Variants in EIF3L observed in about 807,000 individuals in gnomAD.
The protein encoded by EIF3L is eukaryotic translation initiation factor 3 subunit L.
Under a neutral mutation model 74.6 loss-of-function variants are expected in EIF3L, and 32 were observed. That is an observed-to-expected ratio of 0.43 (90% CI 0.32 to 0.58). The LOEUF is 0.58. EIF3L is among the 20% of genes least tolerant of loss of function. EIF3L has a pLI of 0.06. For synonymous variants in EIF3L, 256 were observed against 254.4 expected (o/e 1.01, Z -0.06); for missense variants, 474 against 707.8 (o/e 0.67, Z 3.75).
intron 1 of EIF3L, 100 bp from the exon 2 acceptor site, chr22:37,849,915 C>T: frequency 7.5e-7 from 1 of 1,332,128 alleles, no homozygotes; most frequent in South Asian, 1.2e-5. Context: ...TCTTATTCGC[C>T]TCTGTATCCT....
chr22:37,882,024 A>G (rs901091693), intron 11 of EIF3L: 9 of 152,216 alleles, frequency 5.9e-5, no homozygotes, highest in African/African-American at 1.9e-4. Context: ...GAGAAAAAGC[A>G]TGCTGGGCAT....
chr22:37,873,833 G>A (rs1205514056), intron 8 of EIF3L, among the ~76,000 whole-genome samples: 1 of 152,140 alleles, frequency 6.6e-6, no homozygotes, highest in Non-Finnish European at 1.5e-5. Flanking sequence ...AAGTTGCTGG[G>A]ATTAGAGGTC....
chr22:37,872,229 T>C (rs1926514951), intron 8 of EIF3L, among the ~76,000 whole-genome samples: 1 of 152,118 alleles, frequency 6.6e-6, no homozygotes, highest in South Asian at 2.1e-4. Context: ...GCGATTCTCC[T>C]GTCTCAGCCT....
intron 7 of EIF3L, among the ~76,000 whole-genome samples, chr22:37,866,520 C>T (rs147364082): frequency 5.9e-5 from 9 of 152,246 alleles, no homozygotes; most frequent in African/African-American, 1.2e-4. Context: ...GCCACCAGCT[C>T]GCGCCTGTTA....
At chr22:37,850,141 G>C in intron 2 of EIF3L, 78 bp downstream of exon 2, 12 of 1,552,172 alleles carry the variant, frequency 7.7e-6, no homozygotes, top group Non-Finnish European at 1.8e-6. Flanking sequence ...GCTCTGACAG[G>C]CATCAAAAAT....
intron 2 of EIF3L, among the ~76,000 whole-genome samples, 162 bp downstream of exon 2, chr22:37,850,225 C>G (rs968707822): frequency 4.6e-5 from 7 of 152,140 alleles, no homozygotes; most frequent in African/African-American, 1.7e-4. Flanking sequence ...CCTAATAAAC[C>G]AGGCTTTTTA....
In EIF3L at chr22:37,870,236, T is replaced by C. The variant is rs1212290512; in HGVS notation, c.640T>C (p.Phe214Leu). 3.1e-6 allele frequency: 5 copies of C among 1,613,884 alleles called. No individual in the cohort carries two copies. Among genetic ancestry groups the C allele is most frequent in the African/African-American group, 2.7e-5 (2 of 74,926 alleles). Residue 214 changes from phenylalanine (F) to leucine (L), a missense_variant, in exon 8 of 13, where the codon TTT becomes CTT. Phe to Leu is a conservative substitution (Grantham distance 22). This residue lies in a region of EIF3L where 293 missense variants were observed against 469.1 expected (regional missense o/e 0.62). Coordinates refer to ENST00000652021, the MANE Select transcript of EIF3L (RefSeq NM_016091.4). ...CAAGAAGTCAGAGGAGGAGATTGAC[T>C]TTCTTCGTTCCAATCCCAAAATCTG... Reference protein sequence around the residue: ...TAKKSEEEIDFLRSNPKIWNV... With the variant: ...TAKKSEEEIDLLRSNPKIWNV...
At chr22:37,878,289 C>A (rs1469586503) in intron 11 of EIF3L, 118 bp downstream of exon 11, 1 of 1,327,714 alleles carries the variant, frequency 7.5e-7, no homozygotes, top group Non-Finnish European at 1.0e-6. Flanking sequence ...GTGGTGCTGC[C>A]ACAAGGTGCC....
At chr22:37,867,854 C>T (rs1181976664) in intron 7 of EIF3L, among the ~76,000 whole-genome samples, 3 of 149,668 alleles carry the variant, frequency 2.0e-5, no homozygotes, top group Non-Finnish European at 1.5e-5. Context: ...ACTCAGGAGG[C>T]TGAGGCAGGA....
Position 37,865,380 on chromosome 22 carries a change from A to T in EIF3L, c.579+2035A>T, listed in dbSNP as rs1223039804. On this transcript the variant is annotated intron_variant, in intron 7 of 12. Transcript: ENST00000652021. ...GAGGCTGAGGCAGGGGAATCGCTCG[A>T]ACCCGAGAGGCAGAGCTTGCAGTGA... Among the ~76,000 whole-genome samples, 4 of 152,056 alleles carry T rather than the reference A, an allele frequency of 2.6e-5. No individual in the cohort carries two copies. The East Asian group carries it at 7.7e-4, about 29-fold the overall frequency.
chr22:37,884,453 A>G (rs776701201), intron 11 of EIF3L: 1 of 152,090 alleles, frequency 6.6e-6, no homozygotes, highest in Non-Finnish European at 1.5e-5. Context: ...TGGAATTTCT[A>G]GGTCAGTTTG....
chr22:37,850,199 G>A (rs946178079), intron 2 of EIF3L, 136 bp downstream of exon 2: 15 of 900,572 alleles, frequency 1.7e-5, no homozygotes, highest in Admixed American at 2.1e-5. Flanking sequence ...CTGCCAGTGC[G>A]AGGGGTTTTA....
chr22:37,869,193 A>G (rs1926343617), intron 7 of EIF3L, among the ~76,000 whole-genome samples: 1 of 152,122 alleles, frequency 6.6e-6, no homozygotes, highest in Non-Finnish European at 1.5e-5. Flanking sequence ...CAGTGGCACA[A>G]CCTCACCTCA....
intron 5 of EIF3L, among the ~76,000 whole-genome samples, chr22:37,861,861 G>A (rs969095399): frequency 1.3e-5 from 2 of 152,146 alleles, no homozygotes; most frequent in African/African-American, 2.4e-5. Context: ...GTCTGTAGAT[G>A]AAGATTCAGC....
In EIF3L at chr22:37,863,321, T is replaced by C. The variant is rs1213492497; in HGVS notation, c.555T>C (p.Asp185=). ...AACTACCCAACCAGTGGCTCTGGGA[T>C]ATTATCGATGAGTTCATCTACCAGG... The part of the protein sequence containing the change: ...PLELPNQWLW[D]IIDEFIYQFQ... Residue 185 remains aspartate (D), a synonymous_variant, in exon 7 of 13, where the codon GAT becomes GAC. Coordinates refer to ENST00000652021, the MANE Select transcript of EIF3L (RefSeq NM_016091.4). 6.2e-7 allele frequency: 1 copy of C among 1,613,912 alleles called. No individual in the cohort carries two copies. Among genetic ancestry groups the C allele is most frequent in the Admixed American group, 1.7e-5 (1 of 59,946 alleles).
intron 8 of EIF3L, among the ~76,000 whole-genome samples, chr22:37,871,958 ATTTATAGAAG>A (rs2145827617): frequency 6.6e-6 from 1 of 152,028 alleles, no homozygotes; most frequent in South Asian, 2.1e-4. Flanking sequence ...GATCACAAGC[ATTTATAGAAG>A]TATACTCACC....
At chr22:37,876,295 A>ATTT (rs146250173) in intron 10 of EIF3L, 28 of 110,438 alleles carry the variant, frequency 2.5e-4, no homozygotes, top group Non-Finnish European at 3.3e-4. Context: ...ACACCGGCTA[A>ATTT]TTTTTTTTTT....
Position 37,851,490 on chromosome 22 carries a change from G to A in EIF3L, c.293G>A (p.Ser98Asn). 6.2e-7 allele frequency: 1 copy of A among 1,609,836 alleles called. No homozygotes were observed. Among genetic ancestry groups the A allele is most frequent in the Non-Finnish European group, 8.5e-7 (1 of 1,177,706 alleles). The part of the protein sequence containing the change: ...VYEIQDIYEN[S>N]WTKLTERFFK... ...GAGATCCAGGACATCTATGAGAACA[G>A]GTATGGGCTACTGGCTGAAAGGGCC... is the stretch of plus-strand genomic sequence containing the variant. Residue 98 changes from serine to asparagine, a missense_variant and splice_region_variant, in exon 3 of 13, where the codon AGC (serine) becomes AAC (asparagine). Physicochemically the swap from Ser to Asn is conservative, Grantham distance 46. Coordinates refer to ENST00000652021, the MANE Select transcript of EIF3L (RefSeq NM_016091.4).
intron 5 of EIF3L, among the ~76,000 whole-genome samples, chr22:37,861,007 G>A (rs1006630349): frequency 6.6e-6 from 1 of 152,104 alleles, no homozygotes; most frequent in Admixed American, 6.6e-5. Context: ...TCTCTTGTAC[G>A]TTGTATTTGT....
Sources: allele counts gnomAD v4.1 joint callset (sites outside exome capture counted in the v4.1 genomes callset), GRCh38; gene constraint gnomAD v4.1.1; regional missense constraint gnomAD v4.1.1; transcripts MANE v1.5; gene names NCBI Gene and HGNC (gene_info 2026-07-23, HGNC 2026-07-21).